The following ESRRG variants were observed in gnomAD, a reference collection of about 807,000 sequenced individuals.
ESRRG encodes the protein estrogen-related receptor gamma.
A neutral mutation model predicts 44.0 loss-of-function variants in ESRRG; 13 were observed. The observed-to-expected ratio is 0.30, with a 90% CI of 0.19 to 0.47. The LOEUF (loss-of-function observed/expected upper bound fraction) is 0.47. Among genes scored for constraint, ESRRG ranks in the 20% least tolerant of loss-of-function variants. The pLI, the probability that ESRRG is intolerant of heterozygous loss-of-function variation, is 1.00. For missense variants in ESRRG, 395 were observed against 580.6 expected, an observed-to-expected ratio of 0.68 and a Z score of 3.29; for synonymous variants, 215 against 214.6, an observed-to-expected ratio of 1.00 and a Z score of -0.02.
intron 1 of ESRRG, among the ~76,000 whole-genome samples, chr1:216,687,581 A>G (rs1436016856): frequency 2.0e-5 from 3 of 152,110 alleles, no homozygotes; most frequent in African/African-American, 7.2e-5. Context: ...AGCTTGTCAG[A>G]TCTGAGAATC....
intron 6 of ESRRG, among the ~76,000 whole-genome samples, chr1:216,517,425 A>G (rs2044671373): frequency 6.6e-6 from 1 of 152,220 alleles, no homozygotes; most frequent in African/African-American, 2.4e-5. Context: ...TACACATCCA[A>G]TATCTAAAAT....
intron 2 of ESRRG, among the ~76,000 whole-genome samples, chr1:216,854,353 C>CAAAAAAAAAAAA (rs57421256): frequency 1.6e-4 from 11 of 67,114 alleles, no homozygotes; most frequent in African/African-American, 2.3e-4. Flanking sequence ...AAGACACCAT[C>CAAAAAAAAAAAA]AAAAAAAAAA....
upstream of ESRRG, among the ~76,000 whole-genome samples, chr1:217,094,411 T>TAGAATCAGAATG (rs1271565576): frequency 6.6e-6 from 1 of 152,190 alleles, no homozygotes; most frequent in African/African-American, 2.4e-5. Context: ...ACTTGGGGTA[T>TAGAATCAGAATG]AGAATCAGAA....
chr1:216,578,189 A>T (rs1459650588), intron 3 of ESRRG, among the ~76,000 whole-genome samples: 2 of 152,094 alleles, frequency 1.3e-5, no homozygotes, highest in Non-Finnish European at 2.9e-5. Context: ...TCCTCTTAGG[A>T]AAAGAATAGT....
intron 2 of ESRRG, among the ~76,000 whole-genome samples, chr1:216,884,289 C>T (rs982354196): frequency 6.6e-6 from 1 of 152,196 alleles, no homozygotes; most frequent in African/African-American, 2.4e-5. Flanking sequence ...GATAGCAGGG[C>T]AAATGCCATG....
At chr1:216,820,959 A>G (rs17649955) in intron 2 of ESRRG, among the ~76,000 whole-genome samples, 1 of 152,150 alleles carries the variant, frequency 6.6e-6, no homozygotes, top group African/African-American at 2.4e-5. Context: ...TTGTGGACTG[A>G]TCATATTTTA....
intron 2 of ESRRG, among the ~76,000 whole-genome samples, 186 bp downstream of exon 2, chr1:216,676,890 A>G (rs929578793): frequency 1.3e-5 from 2 of 152,228 alleles, no homozygotes; most frequent in African/African-American, 4.8e-5. Flanking sequence ...ATTAATAGAT[A>G]TGGAGTATAT....
At chr1:216,799,913 T>C (rs2094568918) in intron 2 of ESRRG, among the ~76,000 whole-genome samples, 1 of 152,278 alleles carries the variant, frequency 6.6e-6, no homozygotes, top group South Asian at 2.1e-4. Flanking sequence ...CTTAGAACCA[T>C]GTAATGTTCT....
intron 2 of ESRRG, among the ~76,000 whole-genome samples, chr1:216,899,183 A>G (rs2058771429): frequency 6.6e-6 from 1 of 152,218 alleles, no homozygotes; most frequent in Non-Finnish European, 1.5e-5. Context: ...AGAAAGTTTC[A>G]GGGCTAAGTA....
intron 5 of ESRRG, among the ~76,000 whole-genome samples, chr1:216,548,396 A>G (rs777971866): frequency 7.2e-5 from 11 of 152,104 alleles, no homozygotes; most frequent in Non-Finnish European, 1.6e-4. Context: ...CTTTTATAGT[A>G]TAATTCCTTA....
chr1:216,715,891 A>G (rs1212245864), intron 1 of ESRRG, among the ~76,000 whole-genome samples: 1 of 152,082 alleles, frequency 6.6e-6, no homozygotes, highest in Non-Finnish European at 1.5e-5. Context: ...GTAGATGAAA[A>G]AGGAATTATC....
chr1:216,820,043 G>A (rs1016293206), intron 2 of ESRRG, among the ~76,000 whole-genome samples: 1 of 152,132 alleles, frequency 6.6e-6, no homozygotes. Flanking sequence ...GAGAAAATAA[G>A]CGTTTCTTTA....
In ESRRG at chr1:216,612,162, C is replaced by T. The variant is rs1398997453; in HGVS notation, c.589+38811G>A. ...AGGGAAATTATCTATACTAAAGTAGCGGGAAAGGGGATGAACAGAAAGAGA... is the reference window on the plus strand; with the variant it reads ...AGGGAAATTATCTATACTAAAGTAGTGGGAAAGGGGATGAACAGAAAGAGA... On this transcript the variant is annotated intron_variant, in intron 3 of 6. Coordinates refer to ENST00000408911, the MANE Select transcript of ESRRG (RefSeq NM_001438.4). Among the ~76,000 whole-genome samples, 4 of 151,928 alleles carry T rather than the reference C, an allele frequency of 2.6e-5. No homozygotes were observed. In the East Asian group the frequency reaches 7.7e-4, roughly 29 times the overall value.
chr1:217,006,032 G>T (rs929431110), intron 1 of ESRRG, among the ~76,000 whole-genome samples: 6 of 152,058 alleles, frequency 3.9e-5, no homozygotes, highest in Non-Finnish European at 8.8e-5. Flanking sequence ...TAACACAACT[G>T]AGTCCAGTTT....
chr1:216,754,706 T>A (rs868504052), intron 2 of ESRRG, among the ~76,000 whole-genome samples: 11,148 of 125,324 alleles, frequency 0.089, 714 homozygotes, highest in African/African-American at 0.22. Context: ...AAAGAACTTT[T>A]TTTTTTTTTT....
At chr1:216,600,944 C>T (rs2059139419) in intron 3 of ESRRG, among the ~76,000 whole-genome samples, 1 of 152,212 alleles carries the variant, frequency 6.6e-6, no homozygotes, top group African/African-American at 2.4e-5. Context: ...TGTCTGAACA[C>T]AGACTGTTGA....
chr1:216,660,204 T>A (rs2071912568), intron 2 of ESRRG, among the ~76,000 whole-genome samples: 1 of 152,202 alleles, frequency 6.6e-6, no homozygotes, highest in East Asian at 1.9e-4. Context: ...AACCTATGAT[T>A]GCTCCACCCT....
At chr1:216,945,674 T>C (rs2065951672) in intron 1 of ESRRG, among the ~76,000 whole-genome samples, 1 of 152,222 alleles carries the variant, frequency 6.6e-6, no homozygotes, top group Non-Finnish European at 1.5e-5. Flanking sequence ...TGAAACACTG[T>C]TTACCAAGTA....
intron 2 of ESRRG, among the ~76,000 whole-genome samples, chr1:216,735,262 G>A (rs1372560582): frequency 6.6e-6 from 1 of 151,586 alleles, no homozygotes; most frequent in African/African-American, 2.4e-5. Flanking sequence ...AGGCTGGAGT[G>A]CAGTGATGAG....
Sources: allele counts gnomAD v4.1 joint callset (sites outside exome capture counted in the v4.1 genomes callset), GRCh38; gene constraint gnomAD v4.1.1; transcripts MANE v1.5; gene names NCBI Gene and HGNC (gene_info 2026-07-23, HGNC 2026-07-21).